The following B4GALT3 variants were observed in gnomAD, a reference collection of about 807,000 sequenced individuals.
B4GALT3 encodes N-acetyllactosamine synthase.
B4GALT3 carries 29 observed loss-of-function variants against 40.7 expected under a neutral mutation model. The ratio of observed to expected loss-of-function variants is 0.71; its 90% CI spans 0.53 to 0.97. The LOEUF (loss-of-function observed/expected upper bound fraction) is 0.97, where lower values mean the gene tolerates loss of function less well. Among genes scored for constraint, B4GALT3 ranks in the 50% least tolerant of loss-of-function variants. B4GALT3 has a pLI of 0.00. For missense variants in B4GALT3, 390 were observed against 522.3 expected, an observed-to-expected ratio of 0.75 and a Z score of 2.47; for synonymous variants, 182 against 203.9, an observed-to-expected ratio of 0.89 and a Z score of 0.92.
Position 161,176,041 on chromosome 1 carries a change from T to C in B4GALT3, c.20A>G (p.Glu7Gly), listed in dbSNP as rs767705643. The change falls in exon 3 of 8, where the codon GAG (glutamate) becomes GGG (glycine). Residue 7 changes from glutamate to glycine, a missense_variant. This residue lies in a region of B4GALT3 where 183 missense variants were observed against 223.2 expected (regional missense o/e 0.82). Coordinates refer to ENST00000319769, the MANE Select transcript of B4GALT3 (RefSeq NM_003779.4). ...AAGCAGGGCCAGCGTGCAAGGCCGC[T>C]CCAGCAGCCTCCGCAACATCCTGGG... is the stretch of plus-strand genomic sequence containing the variant. MLRRLL[E>G]RPCTLALLVG... 1 of 1,613,784 alleles carries C rather than the reference T, an allele frequency of 6.2e-7. No individual in the cohort carries two copies. The highest frequency in any genetic ancestry group is 2.2e-5 in the East Asian group (1 of 44,864).
At chr1:161,173,582 G>A in intron 6 of B4GALT3, 23 bp downstream of exon 6, 1 of 1,613,238 alleles carries the variant, frequency 6.2e-7, no homozygotes, top group Non-Finnish European at 8.5e-7. Context: ...GGTCAGGAGG[G>A]AGGAAGTGGC....
chr1:161,177,295 C>G, intron 1 of B4GALT3, 128 bp downstream of exon 1: 1 of 569,800 alleles, frequency 1.8e-6, no homozygotes, highest in Non-Finnish European at 3.1e-6. Context: ...GGCCCCCGTC[C>G]ATACTTCCAC....
intron 4 of B4GALT3, 117 bp from the exon 5 acceptor site, chr1:161,174,166 G>A (rs918066913): frequency 9.2e-7 from 1 of 1,082,044 alleles, no homozygotes; most frequent in Non-Finnish European, 1.3e-6. Context: ...CCAGTACTTT[G>A]GGAGGCCAAG....
chr1:161,175,164 G>C lies in B4GALT3; in HGVS notation c.318C>G (p.Pro106=), dbSNP rs762343007. 31 of 1,613,768 alleles carry C rather than the reference G, an allele frequency of 1.9e-5. No homozygotes were observed. The Middle Eastern group carries it at 6.6e-4, about 34-fold the overall frequency. The change falls in exon 4 of 8, where the codon CCC becomes CCG. Residue 106 remains proline, a synonymous_variant. Coordinates refer to ENST00000319769, the MANE Select transcript of B4GALT3 (RefSeq NM_003779.4). ...PSLAEIVERN[P]RVEPGGRYRP... is the part of the protein sequence containing the mutation. ...GGTACCGGCCCCCTGGTTCTACCCG[G>C]GGATTCCGCTCCACAATCTCTGCCA...
intron 3 of B4GALT3, among the ~76,000 whole-genome samples, chr1:161,175,577 A>G (rs576197513): frequency 2.0e-5 from 3 of 152,208 alleles, no homozygotes; most frequent in East Asian, 1.9e-4. Flanking sequence ...AAGAGCCCAT[A>G]AAGGGACAAG....
intron 6 of B4GALT3, 179 bp from the exon 7 acceptor site, chr1:161,172,510 G>A (rs1327445252): frequency 8.2e-6 from 5 of 609,454 alleles, no homozygotes; most frequent in East Asian, 2.9e-5. Context: ...AAAGCTGGAT[G>A]TATCCAAATC....
At position 161,173,996 on chromosome 1, in the gene B4GALT3, C is replaced by A. The variant is rs1662478726; in HGVS notation, c.543G>T (p.Glu181Asp). The A allele has an allele frequency of 6.2e-7, 1 of 1,614,032 alleles. No homozygotes were observed. The highest frequency in any genetic ancestry group is 1.7e-5 in the Admixed American group (1 of 59,992). Residue 181 changes from glutamate (E) to aspartate (D), a missense_variant, in exon 5 of 8, where the codon GAG (glutamate) becomes GAT (aspartate). Physicochemically the swap from Glu to Asp is conservative, Grantham distance 45. Transcript: ENST00000319769. ...AGTCCCACTCTTCATCACGCAGGGC[C>A]TCTCGCACCCCAACGTTCAACAGTT... is the stretch of plus-strand genomic sequence containing the variant. ...RAKLLNVGVR[E>D]ALRDEEWDCL...
At chr1:161,176,875 G>C (rs1441709760) in intron 1 of B4GALT3, 2 of 1,535,938 alleles carry the variant, frequency 1.3e-6, no homozygotes, top group Admixed American at 2.0e-5. Context: ...AGTGGCGACA[G>C]AGTCATGACA....
chr1:161,172,440 GA>G (rs34878968), intron 6 of B4GALT3, 109 bp from the exon 7 acceptor site: 205,059 of 839,808 alleles, frequency 0.24, 28,114 homozygotes, highest in East Asian at 0.4. Context: ...GTAGGCAAAA[GA>G]AAAAAAAAGC....
At chr1:161,172,186 G>C (rs775005640) in intron 7 of B4GALT3, 41 bp downstream of exon 7, 2 of 1,612,376 alleles carry the variant, frequency 1.2e-6, no homozygotes, top group Non-Finnish European at 1.7e-6. Context: ...GAACCCTGAG[G>C]ATCCAGTAAC....
At chr1:161,173,457 G>T in intron 6 of B4GALT3, 148 bp downstream of exon 6, 1 of 1,178,862 alleles carries the variant, frequency 8.5e-7, no homozygotes, top group Non-Finnish European at 1.2e-6. Flanking sequence ...CCTGACCTGG[G>T]TATCCTAAAA....
At position 161,176,489 on chromosome 1, in the gene B4GALT3, A is replaced by G; in HGVS notation, c.-70T>C. On this transcript the variant is annotated 5_prime_UTR_variant, in exon 2 of 8. Coordinates refer to ENST00000319769, the MANE Select transcript of B4GALT3 (RefSeq NM_003779.4). ...GGGGGCTCCAGGGGGTCCCGGGGGG[A>G]CAGAGATGTGAGGCATTATCTAAAA... The G allele has an allele frequency of 2.7e-6, 1 of 377,068 alleles. No individual in the cohort carries two copies. Among genetic ancestry groups the G allele is most frequent in the Non-Finnish European group, 4.9e-6 (1 of 204,792 alleles). 23.4% of individuals were successfully genotyped at this position (377,068 alleles called of 1,614,324 possible).
At chr1:161,172,405 C>A in intron 6 of B4GALT3, 74 bp from the exon 7 acceptor site, 1 of 1,336,570 alleles carries the variant, frequency 7.5e-7, no homozygotes. Context: ...TGTTTCTGTA[C>A]ACACAAAAAA....
At position 161,176,835 on chromosome 1, in the gene B4GALT3, T is replaced by C. The variant is rs182760209; in HGVS notation, c.-160-256A>G. On this transcript the variant is annotated intron_variant, in intron 1 of 7. Transcript: ENST00000319769. The stretch of plus-strand genomic sequence containing the variant: ...GGGGACAGGACAGCTAATGGAAACA[T>C]TGTTTTCCCCCAGACCAAGAACCAG... The C allele has an allele frequency of 3.0e-3, 4,632 of 1,532,744 alleles. 6 individuals are homozygous for C. Among genetic ancestry groups the C allele is most frequent in the Non-Finnish European group, 3.7e-3 (4,266 of 1,143,922 alleles). 94.9% of individuals were successfully genotyped at this position (1,532,744 alleles called of 1,614,324 possible). A position where few individuals can be genotyped will look rare whatever the true frequency, so the allele number is the denominator to read the frequency against.
chr1:161,175,771 G>T (rs981937608), intron 3 of B4GALT3, 37 bp downstream of exon 3: 9 of 1,606,182 alleles, frequency 5.6e-6, no homozygotes, highest in African/African-American at 1.3e-5. Context: ...TCCGCACCTT[G>T]TCCTTCCTTT....
chr1:161,176,202 G>A (rs1183870870), intron 2 of B4GALT3, 128 bp from the exon 3 acceptor site: 3 of 1,009,302 alleles, frequency 3.0e-6, no homozygotes, highest in East Asian at 5.2e-5. Flanking sequence ...TCACAGAAGG[G>A]AGCACACAGG....
rs1571512467 is a variant in B4GALT3 at position 161,175,218 on chromosome 1, C to A, written c.264G>T (p.Val88=). 1 of 1,612,396 alleles carries A rather than the reference C, an allele frequency of 6.2e-7. No homozygotes were observed. Among genetic ancestry groups the A allele is most frequent in the African/African-American group, 1.3e-5 (1 of 74,928 alleles). ...PERSPLLVGP[V]SVSFSPVPSL... Reference sequence around the variant, plus strand: ...ATGGCACTGGGCTAAAGGACACCGACACAGGACCCACTGTTGGGAAGGAAT... The same window carrying A: ...ATGGCACTGGGCTAAAGGACACCGAAACAGGACCCACTGTTGGGAAGGAAT... Residue 88 remains valine, a synonymous_variant, in exon 4 of 8, where the codon GTG becomes GTT. Transcript: ENST00000319769.
Position 161,175,944 on chromosome 1 carries a change from GC to G in B4GALT3, c.116del (p.Gly39AlafsTer46). The G allele has an allele frequency of 6.2e-7, 1 of 1,614,116 alleles. No individual in the cohort carries two copies. The highest frequency in any genetic ancestry group is 8.5e-7 in the Non-Finnish European group (1 of 1,180,018). On this transcript the variant is annotated frameshift_variant, in exon 3 of 8. Transcript: ENST00000319769. LOFTEE classifies it high-confidence loss of function. ...GGFRSLSALF[G>X]RDQGPTFDYS... ...AGTCAAATGTCGGTCCCTGATCTCG[GC>G]CAAATAGGGCACTGAGACTTCGGAA...
chr1:161,177,176 G>A (rs1663900946), intron 1 of B4GALT3: 7 of 1,135,916 alleles, frequency 6.2e-6, no homozygotes, highest in South Asian at 5.9e-5. Flanking sequence ...TCACCTAGAG[G>A]GGCGTGGTCC....
Sources: allele counts gnomAD v4.1 joint callset (sites outside exome capture counted in the v4.1 genomes callset), GRCh38; gene constraint gnomAD v4.1.1; regional missense constraint gnomAD v4.1.1; transcripts MANE v1.5; gene names NCBI Gene and HGNC (gene_info 2026-07-23, HGNC 2026-07-21).